ATP6V0A1: variants seen among roughly 807,000 people sequenced by gnomAD.
ATP6V0A1 encodes the protein V-type proton ATPase 116 kDa subunit a 1.
Under a neutral mutation model 105.4 loss-of-function variants are expected in ATP6V0A1, and 43 were observed. That is an observed-to-expected ratio of 0.41 (90% confidence interval 0.32 to 0.53). The LOEUF (loss-of-function observed/expected upper bound fraction) is 0.53. Among genes scored for constraint, ATP6V0A1 ranks in the 20% least tolerant of loss-of-function variants. ATP6V0A1 has a pLI of 0.30. For synonymous variants in ATP6V0A1, 362 were observed against 372.8 expected, an observed-to-expected ratio of 0.97 and a Z score of 0.33; for missense variants, 676 against 1,051.1, an observed-to-expected ratio of 0.64 and a Z score of 4.93.
In ATP6V0A1 at chr17:42,478,485, C is replaced by T. The variant is rs775804667; in HGVS notation, c.529C>T (p.Arg177Trp). 22 of 1,608,378 alleles carry T rather than the reference C, an allele frequency of 1.4e-5. No individual in the cohort carries two copies. The highest frequency in any genetic ancestry group is 1.7e-4 in the Middle Eastern group (1 of 6,048). ...RLGFVAGVIN[R>W]ERIPTFERML... ...CAGCTTCGTGGCTGGTGTCATTAAC[C>T]GGGAGCGCATCCCTACTTTTGAGCG... Residue 177 changes from arginine (R) to tryptophan (W), a missense_variant, in exon 7 of 22, where the codon CGG (arginine) becomes TGG (tryptophan). By Grantham distance (101) the Arg-to-Trp change is moderately radical. Coordinates refer to ENST00000343619, the MANE Select transcript of ATP6V0A1 (RefSeq NM_001130021.3).
chr17:42,463,601 A>G (rs989079058), intron 2 of ATP6V0A1, among the ~76,000 whole-genome samples: 7 of 152,150 alleles, frequency 4.6e-5, no homozygotes, highest in Admixed American at 3.9e-4. Context: ...TTTTGGGGCT[A>G]TTATGATTAA....
chr17:42,466,407 G>C, intron 2 of ATP6V0A1, 22 bp from the exon 3 acceptor site: 1 of 1,562,292 alleles, frequency 6.4e-7, no homozygotes, highest in East Asian at 2.2e-5. Flanking sequence ...TCAATGTTTG[G>C]TATTGTGTTT....
chr17:42,501,402 A>G (rs2091656301), intron 17 of ATP6V0A1, 98 bp downstream of exon 17: 3 of 933,486 alleles, frequency 3.2e-6, no homozygotes, highest in African/African-American at 1.7e-5. Context: ...ACAAATCTAT[A>G]TATTCTTTTT....
In ATP6V0A1 at chr17:42,507,938, C is replaced by G. The variant is rs73297673; in HGVS notation, c.2112+311C>G. On this transcript the variant is annotated intron_variant, in intron 18 of 21. Coordinates refer to ENST00000343619, the MANE Select transcript of ATP6V0A1 (RefSeq NM_001130021.3). ...CTGAGGCAGAGCAGGCCTCAGCATC[C>G]CAGCTCTTATGACCTGAAACACAGG... is the stretch of plus-strand genomic sequence containing the variant. Among the ~76,000 whole-genome samples the G allele has an allele frequency of 9.3e-3, 1,409 of 152,272 alleles. 31 individuals carry two copies. Among genetic ancestry groups the G allele is most frequent in the African/African-American group, 0.032 (1,335 of 41,534 alleles).
chr17:42,502,364 G>A (rs1354832197), intron 17 of ATP6V0A1, among the ~76,000 whole-genome samples: 1 of 152,218 alleles, frequency 6.6e-6, no homozygotes, highest in Non-Finnish European at 1.5e-5. Context: ...AAATGAGACT[G>A]TGATAACTTT....
chr17:42,492,399 G>A (rs988438634), intron 11 of ATP6V0A1, among the ~76,000 whole-genome samples: 2 of 150,850 alleles, frequency 1.3e-5, no homozygotes, highest in South Asian at 4.2e-4. Context: ...CTGTCAGGTA[G>A]CGTTCCTTTA....
chr17:42,508,756 G>A (rs762115094), intron 19 of ATP6V0A1, among the ~76,000 whole-genome samples, 167 bp downstream of exon 19: 1 of 152,166 alleles, frequency 6.6e-6, no homozygotes, highest in African/African-American at 2.4e-5. Context: ...GTTCTAAAAA[G>A]CTCATCTCCA....
intron 15 of ATP6V0A1, among the ~76,000 whole-genome samples, chr17:42,500,158 T>A (rs1287237648): frequency 6.7e-6 from 1 of 148,618 alleles, no homozygotes; most frequent in African/African-American, 2.5e-5. Flanking sequence ...GAGAGAATGG[T>A]GGGGATGGTA....
rs557598455 is a variant in ATP6V0A1 at position 42,474,593 on chromosome 17, A to G, written c.424-3067A>G. ...ACTTTGCATCTGCACATGCGCGTGC[A>G]CTTCAAATAATGCGAAAGATAGGAC... On this transcript the variant is annotated intron_variant, in intron 5 of 21. Coordinates refer to ENST00000343619, the MANE Select transcript of ATP6V0A1 (RefSeq NM_001130021.3). Among the ~76,000 whole-genome samples the G allele has an allele frequency of 3.3e-5, 5 of 152,348 alleles. No individual in the cohort carries two copies. The East Asian group carries it at 9.6e-4, about 29-fold the overall frequency.
At chr17:42,480,605 T>G (rs1237067143) in intron 7 of ATP6V0A1, 62 bp from the exon 8 acceptor site, 1 of 1,525,446 alleles carries the variant, frequency 6.6e-7, no homozygotes, top group Non-Finnish European at 8.8e-7. Context: ...AAGTGGGTTA[T>G]TTAAGAGATT....
At chr17:42,487,037 A>G (rs543423612) in intron 9 of ATP6V0A1, 118 bp from the exon 10 acceptor site, 3 of 960,252 alleles carry the variant, frequency 3.1e-6, no homozygotes, top group African/African-American at 1.6e-5. Flanking sequence ...AGCCAGAGGA[A>G]GAAAAAGACA....
At chr17:42,466,320 T>A in intron 2 of ATP6V0A1, 109 bp from the exon 3 acceptor site, 1 of 844,962 alleles carries the variant, frequency 1.2e-6, no homozygotes, top group East Asian at 2.6e-5. Flanking sequence ...TAGTGTTGCA[T>A]CATGCATTGA....
rs1055335416 is a variant in ATP6V0A1 at position 42,521,215 on chromosome 17, C to T, written c.*95C>T. On this transcript the variant is annotated 3_prime_UTR_variant, in exon 22 of 22. Transcript: ENST00000343619. This position sits in a 1 kb window ranked among gnomAD's most constrained non-coding sequence, Gnocchi z 4.8. The stretch of plus-strand genomic sequence containing the variant: ...CTGCCTGTTGGTTGTGATCTGTGGG[C>T]ACCAGCTCATTCGTGTCACCCTGTC... 1.4e-5 allele frequency: 16 copies of T among 1,134,918 alleles called. No homozygotes were observed. Among genetic ancestry groups the T allele is most frequent in the Non-Finnish European group, 2.0e-5 (16 of 803,384 alleles). The allele number at this position is 1,134,918 out of a possible 1,614,324, so 70.3% of individuals were successfully genotyped here.
chr17:42,461,534 G>A (rs549631833), intron 2 of ATP6V0A1, among the ~76,000 whole-genome samples: 2 of 152,256 alleles, frequency 1.3e-5, no homozygotes, highest in East Asian at 1.9e-4. Context: ...TAACACTTTG[G>A]GAGGCTGAGG....
At chr17:42,494,913 T>G in intron 12 of ATP6V0A1, 121 bp from the exon 13 acceptor site, 1 of 1,094,738 alleles carries the variant, frequency 9.1e-7, no homozygotes. Context: ...TACTTCAAGC[T>G]CTCTGAATCA....
chr17:42,505,999 G>A (rs2092000858), intron 17 of ATP6V0A1, among the ~76,000 whole-genome samples: 1 of 152,060 alleles, frequency 6.6e-6, no homozygotes, highest in Admixed American at 6.6e-5. Flanking sequence ...TGTTGGCCAG[G>A]CTGATCACGA....
At chr17:42,506,532 C>T (rs1460026726) in intron 17 of ATP6V0A1, among the ~76,000 whole-genome samples, 2 of 152,256 alleles carry the variant, frequency 1.3e-5, no homozygotes, top group African/African-American at 4.8e-5. Context: ...CATGCTGCTG[C>T]CCGAAGGCCA....
chr17:42,502,393 G>A (rs773014582), intron 17 of ATP6V0A1, among the ~76,000 whole-genome samples: 20 of 152,022 alleles, frequency 1.3e-4, no homozygotes, highest in Non-Finnish European at 2.8e-4. Context: ...AAAACATCTG[G>A]GAAAAAGGTT....
In ATP6V0A1 at chr17:42,477,783, G is replaced by A. The variant is rs549933179; in HGVS notation, c.506+41G>A. On this transcript the variant is annotated intron_variant, in intron 6 of 21. Transcript: ENST00000343619. ...ACTTTTCGGTATTCAGTGGGGCCAT[G>A]TTCATCTCTTCTGTTCAGAAGAGCA... 47 of 1,506,956 alleles carry A rather than the reference G, an allele frequency of 3.1e-5. No individual in the cohort carries two copies. In the South Asian group the frequency reaches 4.9e-4, roughly 16 times the overall value. The allele number at this position is 1,506,956 out of a possible 1,614,324, so 93.3% of individuals were successfully genotyped here.
Sources: allele counts gnomAD v4.1 joint callset (sites outside exome capture counted in the v4.1 genomes callset), GRCh38; gene constraint gnomAD v4.1.1; non-coding constraint Gnocchi (gnomAD v3.1); transcripts MANE v1.5; gene names NCBI Gene and HGNC (gene_info 2026-07-23, HGNC 2026-07-21).